Variants in ATP11C observed in about 807,000 individuals in gnomAD.
ATP11C encodes ATPase phospholipid transporting 11C (ATP11C blood group), also known as phospholipid-transporting ATPase IG.
Under a neutral mutation model 97.4 loss-of-function variants are expected in ATP11C, and 36 were observed. The ratio of observed to expected loss-of-function variants is 0.37; its 90% CI spans 0.28 to 0.49. The LOEUF is 0.49. Among genes scored for constraint, ATP11C ranks in the 20% least tolerant of loss-of-function variants. The pLI, the probability that ATP11C is intolerant of heterozygous loss-of-function variation, is 0.98. For synonymous variants in ATP11C, 275 were observed against 290.9 expected (o/e 0.95, Z 0.56); for missense variants, 730 against 824.6 (o/e 0.89, Z 1.40).
chrX:139,784,779 G>A lies in ATP11C; in HGVS notation c.1666+447C>T, dbSNP rs187826769. 1.2e-3 allele frequency among the ~76,000 whole-genome samples: 129 copies of A among 111,234 alleles called. 1 individual carries two copies. The highest frequency in any genetic ancestry group is 0.011 in the East Asian group (38 of 3,531). On this transcript the variant is annotated intron_variant, in intron 16 of 29. Coordinates refer to ENST00000682941, the MANE Select transcript of ATP11C (RefSeq NM_001353812.2). ...CCTCTCTACCTCACCTGTTTCCAGG[G>A]AGTGTCAAGCAGTAGGGGAACCAGG...
chrX:139,853,152 C>G (rs1413282003), intron 1 of ATP11C, among the ~76,000 whole-genome samples: 1 of 111,790 alleles, frequency 8.9e-6, no homozygotes. Flanking sequence ...CACAAACCCC[C>G]CCTTTCTTCT....
intron 1 of ATP11C, among the ~76,000 whole-genome samples, chrX:139,888,364 C>T (rs1159868699): frequency 9.0e-6 from 1 of 110,559 alleles, no homozygotes; most frequent in East Asian, 2.9e-4. Context: ...AACTCCTGAC[C>T]TCAAGTAATC....
At chrX:139,885,454 C>T (rs935140019) in intron 1 of ATP11C, 1 of 111,294 alleles carries the variant, frequency 9.0e-6, no homozygotes, top group Non-Finnish European at 1.9e-5. Flanking sequence ...AAAGACCAAA[C>T]GAAGAGGAAC....
chrX:139,880,167 A>G (rs1030300518), intron 1 of ATP11C, among the ~76,000 whole-genome samples: 1 of 111,572 alleles, frequency 9.0e-6, no homozygotes, highest in African/African-American at 3.3e-5. Context: ...TCAAGATGAA[A>G]GATGATGAGG....
At chrX:139,873,783 A>AT (rs397966519) in intron 1 of ATP11C, among the ~76,000 whole-genome samples, 65 of 108,431 alleles carry the variant, frequency 6.0e-4, no homozygotes, top group African/African-American at 2.0e-3. Context: ...AAAAAAAAAA[A>AT]TTTTAAGTAA....
At chrX:139,799,932 G>A (rs1328720787) in intron 8 of ATP11C, 128 bp downstream of exon 8, 4 of 573,190 alleles carry the variant, frequency 7.0e-6, no homozygotes, top group South Asian at 5.3e-5. Flanking sequence ...GATTACAGGC[G>A]TGAGCTACCG....
Position 139,859,862 on chromosome X carries a change from G to A in ATP11C, c.28-33039C>T, listed in dbSNP as rs1383852565. Among the ~76,000 whole-genome samples, 3 of 82,372 alleles carry A rather than the reference G, an allele frequency of 3.6e-5. 1 individual carries two copies. The highest frequency in any genetic ancestry group is 2.1e-4 in the African/African-American group (2 of 9,645). The allele number at this position is 82,372 out of a possible 115,157, so 71.5% of individuals were successfully genotyped here. ...CACGCCTGTAATCCCAGCACTTTGG[G>A]AGGCCGAGGCGGGCGGATCACGAGG... is the stretch of plus-strand genomic sequence containing the variant. On this transcript the variant is annotated intron_variant, in intron 1 of 29. Transcript: ENST00000682941.
rs73243390 is a variant in ATP11C at position 139,899,185 on chromosome X, T to C, written c.27+32831A>G. On this transcript the variant is annotated intron_variant, in intron 1 of 29. Coordinates refer to ENST00000682941, the MANE Select transcript of ATP11C (RefSeq NM_001353812.2). ...GAAGAGCCTGAGGAGACATGATGAC[T>C]AAATGTAATGTGGGGCCGGATGCAA... Among the ~76,000 whole-genome samples, 512 of 111,191 alleles carry C rather than the reference T, an allele frequency of 4.6e-3. 3 individuals carry two copies. The highest frequency in any genetic ancestry group is 6.2e-3 in the Non-Finnish European group (331 of 53,065).
intron 5 of ATP11C, among the ~76,000 whole-genome samples, chrX:139,808,877 C>T (rs1399221848): frequency 8.9e-6 from 1 of 112,219 alleles, no homozygotes; most frequent in Non-Finnish European, 1.9e-5. Context: ...CTTTGGGAGG[C>T]TGAGGCAGGC....
At chrX:139,823,001 G>A (rs2083447562) in intron 2 of ATP11C, among the ~76,000 whole-genome samples, 1 of 110,274 alleles carries the variant, frequency 9.1e-6, no homozygotes, top group African/African-American at 3.3e-5. Flanking sequence ...TGGATCACCT[G>A]CAGTCCGGAG....
intron 26 of ATP11C, among the ~76,000 whole-genome samples, chrX:139,742,230 A>G (rs1282459736): frequency 9.0e-6 from 1 of 111,480 alleles, no homozygotes; most frequent in East Asian, 2.8e-4. Context: ...ATATATTGAA[A>G]TGAGCACCCT....
chrX:139,837,794 TTA>T (rs1481533855), intron 1 of ATP11C, among the ~76,000 whole-genome samples: 1 of 112,237 alleles, frequency 8.9e-6, no homozygotes, highest in African/African-American at 3.2e-5. Context: ...TGAATGATCT[TTA>T]TATAGTCAGT....
chrX:139,828,148 G>C (rs1269275114), intron 1 of ATP11C, among the ~76,000 whole-genome samples: 1 of 111,486 alleles, frequency 9.0e-6, no homozygotes, highest in Non-Finnish European at 1.9e-5. Flanking sequence ...TGGAGACCTG[G>C]AAAAAGTCAG....
chrX:139,916,692 G>C (rs1452048438), intron 1 of ATP11C, among the ~76,000 whole-genome samples: 1 of 110,625 alleles, frequency 9.0e-6, no homozygotes, highest in African/African-American at 3.3e-5. Flanking sequence ...ATATACAACG[G>C]TCCTGTGGCA....
At chrX:139,927,515 A>C (rs532065500) in intron 1 of ATP11C, among the ~76,000 whole-genome samples, 1 of 111,351 alleles carries the variant, frequency 9.0e-6, no homozygotes, top group African/African-American at 3.3e-5. Context: ...GAGGCAGGAG[A>C]ATCGCTTGAA....
In ATP11C at chrX:139,728,924, C is replaced by T; in HGVS notation, c.*42G>A. ...TTTAGCTGTAACCACTGTCAGTATGCTTGTAGGACAATAACATAGGCAGTT... is the reference window on the plus strand; with the variant it reads ...TTTAGCTGTAACCACTGTCAGTATGTTTGTAGGACAATAACATAGGCAGTT... On this transcript the variant is annotated 3_prime_UTR_variant, in exon 30 of 30. Transcript: ENST00000682941. 1 of 1,204,361 alleles carries T rather than the reference C, an allele frequency of 8.3e-7. No individual in the cohort carries two copies. Among genetic ancestry groups the T allele is most frequent in the South Asian group, 1.8e-5 (1 of 56,116 alleles).
chrX:139,894,341 G>C lies in ATP11C; in HGVS notation c.27+37675C>G, dbSNP rs191764585. 2.0e-3 allele frequency among the ~76,000 whole-genome samples: 223 copies of C among 112,094 alleles called. 1 individual carries two copies. The highest frequency in any genetic ancestry group is 6.6e-3 in the African/African-American group (204 of 30,934). On this transcript the variant is annotated intron_variant, in intron 1 of 29. Transcript: ENST00000682941. ...TATTAAAGCTGGGAAGACAGAAAAG[G>C]TCTCACTTAAGGACACACTTTTCAC...
chrX:139,743,155 G>A (rs1443364938), intron 26 of ATP11C, among the ~76,000 whole-genome samples: 15 of 108,832 alleles, frequency 1.4e-4, no homozygotes, highest in African/African-American at 5.0e-4. Flanking sequence ...ATTTTTAGAA[G>A]ATTCAAGTAC....
At chrX:139,741,836 G>C (rs2081562273) in intron 26 of ATP11C, among the ~76,000 whole-genome samples, 1 of 111,353 alleles carries the variant, frequency 9.0e-6, no homozygotes, top group Non-Finnish European at 1.9e-5. Context: ...AAAACTTCTG[G>C]GTCACATGAG....
Sources: allele counts gnomAD v4.1 joint callset (sites outside exome capture counted in the v4.1 genomes callset), GRCh38; gene constraint gnomAD v4.1.1; transcripts MANE v1.5; gene names NCBI Gene and HGNC (gene_info 2026-07-23, HGNC 2026-07-21).